The following TECTA variants were observed in gnomAD, a reference collection of about 807,000 sequenced individuals.
TECTA encodes tectorin alpha.
TECTA carries 128 observed loss-of-function variants against 216.8 expected under a neutral mutation model. That is an observed-to-expected ratio of 0.59 (90% CI 0.51 to 0.68). TECTA has a LOEUF of 0.68. Among genes scored for constraint, TECTA ranks in the 30% least tolerant of loss-of-function variants. The pLI, the probability that TECTA is intolerant of heterozygous loss-of-function variation, is 0.00. For missense variants in TECTA, 2,551 were observed against 2,786.2 expected (o/e 0.92, Z 1.90); for synonymous variants, 1,089 against 1,117.1 (o/e 0.97, Z 0.50).
At chr11:121,153,149 G>GGTCA in intron 13 of TECTA, 69 bp downstream of exon 13, 1 of 1,545,022 alleles carries the variant, frequency 6.5e-7, no homozygotes, top group Non-Finnish European at 8.7e-7. Context: ...CTAAGAGGTT[G>GGTCA]GTCAGATTGA....
intron 1 of TECTA, among the ~76,000 whole-genome samples, chr11:121,101,897 C>T (rs1245154438): frequency 6.6e-6 from 1 of 152,214 alleles, no homozygotes; most frequent in African/African-American, 2.4e-5. Context: ...AGGGTAAAGC[C>T]ACCATGCAAC....
intron 12 of TECTA, among the ~76,000 whole-genome samples, chr11:121,149,180 C>T (rs1441381423): frequency 6.6e-6 from 1 of 152,178 alleles, no homozygotes; most frequent in African/African-American, 2.4e-5. Flanking sequence ...AGGAAGGTGG[C>T]CTGGGTAAGT....
In TECTA at chr11:121,125,450, G is replaced by T. The variant is rs772777977; in HGVS notation, c.1352G>T (p.Gly451Val). The change falls in exon 8 of 24, where the codon GGC becomes GTC. Residue 451 changes from glycine to valine, a missense_variant. Coordinates refer to ENST00000392793, the MANE Select transcript of TECTA (RefSeq NM_005422.4). ...CACTACGCCTCCATTTCCGTCCCAG[G>T]CTCCTATATAAACTCCACCTGTGGA... Reference protein sequence around the residue: ...GQHYASISVPGSYINSTCGLC... With the variant: ...GQHYASISVPVSYINSTCGLC... 6.2e-7 allele frequency: 1 copy of T among 1,614,144 alleles called. No individual in the cohort carries two copies. The highest frequency in any genetic ancestry group is 1.7e-5 in the Admixed American group (1 of 60,026).
In TECTA at chr11:121,144,865, G is replaced by A. The variant is rs571913635; in HGVS notation, c.3544-690G>A. Among the ~76,000 whole-genome samples, 62 of 152,250 alleles carry A rather than the reference G, an allele frequency of 4.1e-4. No individual in the cohort carries two copies. In the South Asian group the frequency reaches 6.4e-3, roughly 16 times the overall value. On this transcript the variant is annotated intron_variant, in intron 11 of 23. Transcript: ENST00000392793. ...GAGATGGAAGAGCGTACACCCAGCC[G>A]TAACATAAGGCAGACTGTGATGTGT...
chr11:121,188,372 C>T (rs1947308562), intron 21 of TECTA, among the ~76,000 whole-genome samples: 1 of 152,202 alleles, frequency 6.6e-6, no homozygotes, highest in South Asian at 2.1e-4. Flanking sequence ...CAAAATGTCT[C>T]CAGATGTTGC....
In TECTA at chr11:121,127,537, A is replaced by G. The variant is rs546016593; in HGVS notation, c.1775-215A>G. Among the ~76,000 whole-genome samples, 43 of 152,294 alleles carry G rather than the reference A, an allele frequency of 2.8e-4. No homozygotes were observed. Among genetic ancestry groups the G allele is most frequent in the Admixed American group, 5.9e-4 (9 of 15,304 alleles). ...TTTTAGTCAAGATGATCAAATTCCA[A>G]TAGAAGTTCACAGTCCAATCATGCT... On this transcript the variant is annotated intron_variant, in intron 8 of 23. Coordinates refer to ENST00000392793, the MANE Select transcript of TECTA (RefSeq NM_005422.4). This position sits in a 1 kb window ranked among gnomAD's most constrained non-coding sequence, Gnocchi z 5.0.
At position 121,105,056 on chromosome 11, in the gene TECTA, C is replaced by T. The variant is rs7950406; in HGVS notation, c.65-775C>T. ...GAGCCACATCTTGCAACAGTATGGA[C>T]GGGAAACCTGGGAGCAGCAAGCCAG... On this transcript the variant is annotated intron_variant, in intron 2 of 23. Coordinates refer to ENST00000392793, the MANE Select transcript of TECTA (RefSeq NM_005422.4). The surrounding 1 kb of genome is among the most constrained non-coding windows in gnomAD (Gnocchi z 5.3). 0.028 allele frequency among the ~76,000 whole-genome samples: 4,225 copies of T among 152,154 alleles called. 208 individuals are homozygous for T. Among genetic ancestry groups the T allele is most frequent in the African/African-American group, 0.096 (3,970 of 41,474 alleles).
At chr11:121,186,187 A>G (rs563136953) in intron 20 of TECTA, among the ~76,000 whole-genome samples, 1 of 151,988 alleles carries the variant, frequency 6.6e-6, no homozygotes, top group East Asian at 1.9e-4. Flanking sequence ...GCAGATGTTC[A>G]ATGCTTAATG....
chr11:121,134,055 T>C (rs1192303831), intron 10 of TECTA, among the ~76,000 whole-genome samples: 2 of 152,212 alleles, frequency 1.3e-5, no homozygotes, highest in Non-Finnish European at 2.9e-5. Flanking sequence ...TGGATTGGCC[T>C]GTAGGATCTC....
intron 20 of TECTA, among the ~76,000 whole-genome samples, chr11:121,172,703 C>T (rs1947124275): frequency 6.6e-6 from 1 of 151,928 alleles, no homozygotes; most frequent in South Asian, 2.1e-4. Flanking sequence ...GGTATATACC[C>T]AGTAATGGGA....
At chr11:121,175,691 G>A (rs1285755841) in intron 20 of TECTA, among the ~76,000 whole-genome samples, 2 of 152,232 alleles carry the variant, frequency 1.3e-5, no homozygotes, top group South Asian at 2.1e-4. Flanking sequence ...GGAGAGTTCT[G>A]TAGATGTCTA....
At chr11:121,111,815 G>A (rs1191260704) in intron 4 of TECTA, among the ~76,000 whole-genome samples, 1 of 152,152 alleles carries the variant, frequency 6.6e-6, no homozygotes, top group Admixed American at 6.5e-5. Flanking sequence ...TGTTGAATGG[G>A]GCCAGAGACT....
At position 121,127,372 on chromosome 11, in the gene TECTA, G is replaced by A. The variant is rs1327962714; in HGVS notation, c.1775-380G>A. 6.6e-6 allele frequency among the ~76,000 whole-genome samples: 1 copy of A among 152,016 alleles called. No individual in the cohort carries two copies. The highest frequency in any genetic ancestry group is 2.4e-5 in the African/African-American group (1 of 41,396). ...TTGGATTTATTTCCTTCTAAGAATGGACCATGCTCTTTAAAATCAGATCAA... is the reference window on the plus strand; with the variant it reads ...TTGGATTTATTTCCTTCTAAGAATGAACCATGCTCTTTAAAATCAGATCAA... On this transcript the variant is annotated intron_variant, in intron 8 of 23. Coordinates refer to ENST00000392793, the MANE Select transcript of TECTA (RefSeq NM_005422.4). This position sits in a 1 kb window ranked among gnomAD's most constrained non-coding sequence, Gnocchi z 5.0.
At chr11:121,171,713 T>C (rs1362547431) in intron 20 of TECTA, among the ~76,000 whole-genome samples, 1 of 152,222 alleles carries the variant, frequency 6.6e-6, no homozygotes, top group East Asian at 1.9e-4. Context: ...ATTTTGCTGC[T>C]AGTTCATTAT....
intron 2 of TECTA, among the ~76,000 whole-genome samples, chr11:121,103,116 C>T (rs773215388): frequency 1.8e-4 from 28 of 152,256 alleles, no homozygotes; most frequent in South Asian, 8.3e-4. Flanking sequence ...CTACTTATTT[C>T]GGCCAAAAAC....
At chr11:121,190,151 T>C (rs1947327743) in intron 23 of TECTA, 5 of 439,502 alleles carry the variant, frequency 1.1e-5, no homozygotes, top group Non-Finnish European at 1.3e-5. Context: ...TTAAGGACCA[T>C]ATATTGGCCT....
In TECTA at chr11:121,106,013, T is replaced by C. The variant is rs1274210853; in HGVS notation, c.198+49T>C. On this transcript the variant is annotated intron_variant, in intron 3 of 23. Transcript: ENST00000392793. ...GTTGTTCTCTGGCCCTCCCTTTTGTTTGTCATTAAGAAAAGCATTTTAAGT... is the reference window on the plus strand; with the variant it reads ...GTTGTTCTCTGGCCCTCCCTTTTGTCTGTCATTAAGAAAAGCATTTTAAGT... 4 of 1,613,926 alleles carry C rather than the reference T, an allele frequency of 2.5e-6. No individual in the cohort carries two copies. In the African/African-American group the frequency reaches 5.3e-5, roughly 22 times the overall value.
chr11:121,163,437 T>C (rs1214289840), intron 16 of TECTA, among the ~76,000 whole-genome samples: 1 of 103,254 alleles, frequency 9.7e-6, no homozygotes, highest in African/African-American at 3.9e-5. Flanking sequence ...CATCACACTC[T>C]GGGGACTGTT....
At position 121,130,941 on chromosome 11, in the gene TECTA, A is replaced by G. The variant is rs554634784; in HGVS notation, c.2941+730A>G. 2.7e-5 allele frequency among the ~76,000 whole-genome samples: 4 copies of G among 149,574 alleles called. No individual in the cohort carries two copies. The South Asian group carries it at 6.2e-4, about 23-fold the overall frequency. On this transcript the variant is annotated intron_variant, in intron 10 of 23. Coordinates refer to ENST00000392793, the MANE Select transcript of TECTA (RefSeq NM_005422.4). ...ATTAAGATTCCATCCCCGGCCGGGC[A>G]TGGTGGCTCACGCCTGGAATCCCAG...
Sources: allele counts gnomAD v4.1 joint callset (sites outside exome capture counted in the v4.1 genomes callset), GRCh38; gene constraint gnomAD v4.1.1; non-coding constraint Gnocchi (gnomAD v3.1); transcripts MANE v1.5; gene names NCBI Gene and HGNC (gene_info 2026-07-23, HGNC 2026-07-21).